Variants in RAD54L2 observed in about 807,000 individuals in gnomAD.
RAD54L2 encodes the protein RAD54 like 2.
A neutral mutation model predicts 138.4 loss-of-function variants in RAD54L2; 27 were observed. The ratio of observed to expected loss-of-function variants is 0.20; its 90% CI spans 0.14 to 0.27. The LOEUF (loss-of-function observed/expected upper bound fraction) is 0.27. RAD54L2 is among the 10% of genes least tolerant of loss of function. The pLI is 1.00. For missense variants in RAD54L2, 1,396 were observed against 1,890.2 expected, an observed-to-expected ratio of 0.74 and a Z score of 4.85; for synonymous variants, 644 against 723.2, an observed-to-expected ratio of 0.89 and a Z score of 1.76.
chr3:51,594,860 CTTTTTTTTTTTTTTTTTTT>C (rs71278623), intron 3 of RAD54L2, among the ~76,000 whole-genome samples: 2 of 33,600 alleles, frequency 6.0e-5, no homozygotes, highest in African/African-American at 2.3e-4. Context: ...TTGATGGGCG[CTTTTTTTTTTTTTTTTTTT>C]TTTTTTTTTT....
Position 51,638,477 on chromosome 3 carries a change from G to A in RAD54L2, c.1860+156G>A. ...TGGAGGTTTGGGGGCTCCAAGGAGAGAGGTGATGGTTTTGTACCACATAAC... is the reference window on the plus strand; with the variant it reads ...TGGAGGTTTGGGGGCTCCAAGGAGAAAGGTGATGGTTTTGTACCACATAAC... On this transcript the variant is annotated intron_variant, in intron 12 of 22. Transcript: ENST00000684192. The surrounding 1 kb of genome is among the most constrained non-coding windows in gnomAD (Gnocchi z 4.3). 1.2e-6 allele frequency: 1 copy of A among 841,714 alleles called. No individual in the cohort carries two copies. Among genetic ancestry groups the A allele is most frequent in the Non-Finnish European group, 1.8e-6 (1 of 550,604 alleles). The allele number at this position is 841,714 out of a possible 1,614,324, so 52.1% of individuals were successfully genotyped here. A position where few individuals can be genotyped will look rare whatever the true frequency, so the allele number is the denominator to read the frequency against.
intron 2 of RAD54L2, among the ~76,000 whole-genome samples, chr3:51,579,523 A>G (rs1699560618): frequency 6.6e-6 from 1 of 152,120 alleles, no homozygotes; most frequent in Non-Finnish European, 1.5e-5. Flanking sequence ...CAGTTTTATT[A>G]TTACTTAAAA....
chr3:51,547,320 G>A (rs1698722604), intron 2 of RAD54L2, among the ~76,000 whole-genome samples: 1 of 151,782 alleles, frequency 6.6e-6, no homozygotes, highest in South Asian at 2.1e-4. Context: ...AGGCTGGAGT[G>A]AGCTGTAATT....
chr3:51,608,036 G>A (rs1270093463), intron 3 of RAD54L2, among the ~76,000 whole-genome samples: 7 of 151,174 alleles, frequency 4.6e-5, no homozygotes, highest in Non-Finnish European at 8.9e-5. Context: ...CGGACAGGGC[G>A]GCTGCCGGGC....
intron 12 of RAD54L2, chr3:51,639,056 T>G: frequency 4.3e-6 from 1 of 231,074 alleles, no homozygotes. Flanking sequence ...GTCAGATACA[T>G]TTTGTCTATA....
chr3:51,621,298 A>G (rs188254982), intron 3 of RAD54L2, among the ~76,000 whole-genome samples: 2 of 152,338 alleles, frequency 1.3e-5, no homozygotes, highest in East Asian at 3.9e-4. Flanking sequence ...ATTCATTCAA[A>G]GAATGCTGGG....
rs1204159682 is a variant in RAD54L2, at chr3:51,646,410, A to G, written c.2955A>G (p.Pro985=). The G allele has an allele frequency of 6.8e-6, 11 of 1,613,634 alleles. No homozygotes were observed. Among genetic ancestry groups the G allele is most frequent in the African/African-American group, 2.7e-5 (2 of 74,912 alleles). ...DKRTSVPYTR[P]SYAQYYPASD... is the part of the protein sequence containing the mutation. ...GCACATCAGTCCCCTATACCCGCCC[A>G]TCGTATGCGCAGTATTACCCTGCCA... is the stretch of plus-strand genomic sequence containing the variant. The change falls in exon 19 of 23, where the codon CCA becomes CCG. Residue 985 remains proline, a synonymous_variant. Coordinates refer to ENST00000684192, the MANE Select transcript of RAD54L2 (RefSeq NM_015106.4).
intron 3 of RAD54L2, among the ~76,000 whole-genome samples, chr3:51,598,974 A>G (rs1700027751): frequency 6.6e-6 from 1 of 152,122 alleles, no homozygotes. Flanking sequence ...ATTGAACCCA[A>G]AGAGGGCTTC....
At chr3:51,545,667 CCT>C (rs1367914271) in intron 2 of RAD54L2, among the ~76,000 whole-genome samples, 1 of 151,876 alleles carries the variant, frequency 6.6e-6, no homozygotes, top group Non-Finnish European at 1.5e-5. Flanking sequence ...GTAGCCTTGA[CCT>C]CTCAGGCTCG....
Position 51,657,916 on chromosome 3 carries a change from C to CTTTTT in RAD54L2, c.3316+270_3316+274dup, listed in dbSNP as rs71084155. ...TCCCTACATTTCTCTATCTTGCTGT[C>CTTTTT]TTTTTTTTTTTTTTTTTTTTTTTTT... On this transcript the variant is annotated intron_variant, in intron 21 of 22. Coordinates refer to ENST00000684192, the MANE Select transcript of RAD54L2 (RefSeq NM_015106.4). 1.5e-4 allele frequency among the ~76,000 whole-genome samples: 13 copies of CTTTTT among 87,444 alleles called. 1 individual carries two copies. Among genetic ancestry groups the CTTTTT allele is most frequent in the Non-Finnish European group, 2.2e-4 (10 of 46,196 alleles). 57.4% of individuals were successfully genotyped at this position (87,444 alleles called of 152,430 possible). A position where few individuals can be genotyped will look rare whatever the true frequency, so the allele number is the denominator to read the frequency against.
intron 3 of RAD54L2, among the ~76,000 whole-genome samples, chr3:51,605,322 C>G (rs1700156173): frequency 6.6e-6 from 1 of 151,934 alleles, no homozygotes; most frequent in South Asian, 2.1e-4. Flanking sequence ...CTCCTGACCT[C>G]GAGTAATCCA....
At chr3:51,641,898 C>A in intron 15 of RAD54L2, 31 bp downstream of exon 15, 1 of 1,466,228 alleles carries the variant, frequency 6.8e-7, no homozygotes, top group Non-Finnish European at 9.4e-7. Flanking sequence ...TTCTTGAAGC[C>A]TTGGCAAGGT....
intron 6 of RAD54L2, 24 bp from the exon 7 acceptor site, chr3:51,630,680 GT>G: frequency 6.3e-7 from 1 of 1,593,808 alleles, no homozygotes; most frequent in Admixed American, 1.7e-5. Flanking sequence ...TGGATTTTTG[GT>G]TTTGCTTTTT....
chr3:51,657,746 A>C (rs1701641577), intron 21 of RAD54L2, 77 bp downstream of exon 21: 1 of 1,017,336 alleles, frequency 9.8e-7, no homozygotes, highest in African/African-American at 1.6e-5. Context: ...AATACATATG[A>C]CTTGAGCTAG....
At chr3:51,597,691 G>A (rs138399948) in intron 3 of RAD54L2, among the ~76,000 whole-genome samples, 1,870 of 152,200 alleles carry the variant, frequency 0.012, 132 homozygotes, top group Admixed American at 0.12. Context: ...AGCTGGGTAT[G>A]GTGGCCCATG....
chr3:51,543,281 C>T (rs1211481199), intron 2 of RAD54L2, among the ~76,000 whole-genome samples: 1 of 152,044 alleles, frequency 6.6e-6, no homozygotes, highest in African/African-American at 2.4e-5. Flanking sequence ...TAGTCAAATG[C>T]CCCCTCCATT....
intron 3 of RAD54L2, among the ~76,000 whole-genome samples, chr3:51,595,515 G>A (rs1699940484): frequency 6.6e-6 from 1 of 152,074 alleles, no homozygotes; most frequent in Admixed American, 6.6e-5. Context: ...TTTTGGCTTT[G>A]GTACAATAAG....
intron 2 of RAD54L2, 31 bp from the exon 3 acceptor site, chr3:51,590,336 G>T: frequency 7.1e-7 from 1 of 1,406,886 alleles, no homozygotes; most frequent in Non-Finnish European, 9.4e-7. Context: ...CAAAACCCTT[G>T]GTGATTCTGA....
intron 2 of RAD54L2, among the ~76,000 whole-genome samples, chr3:51,584,901 G>T (rs1212230483): frequency 2.0e-5 from 3 of 151,734 alleles, no homozygotes; most frequent in Non-Finnish European, 4.4e-5. Flanking sequence ...AACCTCCCGG[G>T]CTCAAGTGAT....
Sources: allele counts gnomAD v4.1 joint callset (sites outside exome capture counted in the v4.1 genomes callset), GRCh38; gene constraint gnomAD v4.1.1; non-coding constraint Gnocchi (gnomAD v3.1); transcripts MANE v1.5; gene names NCBI Gene and HGNC (gene_info 2026-07-23, HGNC 2026-07-21).